The following PPP1R13L variants were observed in gnomAD, a reference collection of about 807,000 sequenced individuals.
PPP1R13L encodes the protein protein phosphatase 1 regulatory subunit 13 like.
Under a neutral mutation model 80.9 loss-of-function variants are expected in PPP1R13L, and 50 were observed. The ratio of observed to expected loss-of-function variants is 0.62; its 90% CI spans 0.49 to 0.78. PPP1R13L has a LOEUF of 0.78. Ranked by LOEUF, PPP1R13L falls within the 30% of genes least tolerant of loss-of-function variation. The probability of loss-of-function intolerance (pLI) is 0.00; values close to 1 mark genes in which losing one functional copy is unlikely to be tolerated. For synonymous variants in PPP1R13L, 602 were observed against 534.3 expected (o/e 1.13, Z -1.75); for missense variants, 1,200 against 1,205.9 (o/e 1.00, Z 0.07).
At position 45,392,009 on chromosome 19, in the gene PPP1R13L, CGGCCCCCCGGGCCCT is replaced by C. The variant is rs569534163; in HGVS notation, c.1671_1685del (p.Gly558_Pro562del). On this transcript the variant is annotated inframe_deletion, in exon 8 of 13. Transcript: ENST00000360957. ...CAGTGATGGGGGACAGCTCTGGCTC[CGGCCCCCCGGGCCCT>C]GGCCCCCCATGACGATGGAAGAGGC... is the stretch of plus-strand genomic sequence containing the variant. The C allele has an allele frequency of 2.1e-4, 321 of 1,538,946 alleles. No homozygotes were observed. In the African/African-American group the frequency reaches 3.8e-3, roughly 18 times the overall value.
intron 11 of PPP1R13L, among the ~76,000 whole-genome samples, chr19:45,383,954 G>A (rs894179523): frequency 2.6e-5 from 4 of 151,802 alleles, no homozygotes; most frequent in Non-Finnish European, 4.4e-5. Context: ...TAATAGAGAC[G>A]GGGTTTCACC....
Position 45,396,922 on chromosome 19 carries a change from A to C in PPP1R13L, c.335T>G (p.Leu112Arg). ...CGACGACGGCCGTCCCTTGGGGGAC[A>C]GCGGGCTGTAGGGGTGTAGGGTTGG... Reference protein sequence around the residue: ...SAPTLHPYSPLSPKGRPSSPR... With the variant: ...SAPTLHPYSPRSPKGRPSSPR... Residue 112 changes from leucine to arginine, a missense_variant, in exon 4 of 13, where the codon CTG becomes CGG. Transcript: ENST00000360957. This position sits in a 1 kb window ranked among gnomAD's most constrained non-coding sequence, Gnocchi z 5.3. 1 of 1,490,930 alleles carries C rather than the reference A, an allele frequency of 6.7e-7. No individual in the cohort carries two copies. The highest frequency in any genetic ancestry group is 8.9e-7 in the Non-Finnish European group (1 of 1,128,766). The allele number at this position is 1,490,930 out of a possible 1,614,324, so 92.4% of individuals were successfully genotyped here.
intron 8 of PPP1R13L, among the ~76,000 whole-genome samples, chr19:45,390,667 C>G (rs1427699530): frequency 6.6e-6 from 1 of 152,140 alleles, no homozygotes; most frequent in African/African-American, 2.4e-5. Context: ...AAACCTCTTC[C>G]TTCTTTAATC....
intron 1 of PPP1R13L, among the ~76,000 whole-genome samples, chr19:45,403,332 CTCTT>C (rs1973269210): frequency 6.6e-6 from 1 of 152,066 alleles, no homozygotes; most frequent in Non-Finnish European, 1.5e-5. Context: ...GCCCTTTCAA[CTCTT>C]TCTGAGATCA....
chr19:45,395,281 C>G, intron 7 of PPP1R13L, 155 bp downstream of exon 7: 1 of 1,068,678 alleles, frequency 9.4e-7, no homozygotes, highest in African/African-American at 1.6e-5. Context: ...GGCTCCTACC[C>G]AAATTCCCAA....
chr19:45,386,140 T>C lies in PPP1R13L; in HGVS notation c.1856A>G (p.Lys619Arg), dbSNP rs1339878640. Residue 619 changes from lysine to arginine, a missense_variant, in exon 9 of 13, where the codon AAG becomes AGG. This residue lies in a region of PPP1R13L where 214 missense variants were observed against 199.6 expected (regional missense o/e 1.07). Coordinates refer to ENST00000360957, the MANE Select transcript of PPP1R13L (RefSeq NM_006663.4). ...SVLRKAGSPR[K>R]ARRARLNPLV... is the part of the protein sequence containing the mutation. ...AGGGTTGAGGCGCGCGCGGCGGGCC[T>C]TGCGCGGGGAGCCCGCCTTCCGCAG... The C allele has an allele frequency of 6.5e-7, 1 of 1,542,224 alleles. No homozygotes were observed. The highest frequency in any genetic ancestry group is 8.6e-7 in the Non-Finnish European group (1 of 1,157,326).
chr19:45,400,756 G>A lies in PPP1R13L; in HGVS notation c.-21-2417C>T, dbSNP rs1258179902. Among the ~76,000 whole-genome samples, 11 of 91,784 alleles carry A rather than the reference G, an allele frequency of 1.2e-4. 1 individual carries two copies. Among genetic ancestry groups the A allele is most frequent in the Admixed American group, 2.5e-4 (2 of 8,072 alleles). The allele number at this position is 91,784 out of a possible 152,430, so 60.2% of individuals were successfully genotyped here. ...GTATAGCCTCGCACCACCACACCCA[G>A]CTAATTTTTTTTTTTTTTTTTTTTT... On this transcript the variant is annotated intron_variant, in intron 1 of 12. Transcript: ENST00000360957.
chr19:45,380,337 G>A, intron 12 of PPP1R13L, 109 bp from the exon 13 acceptor site: 1 of 1,292,124 alleles, frequency 7.7e-7, no homozygotes, highest in Non-Finnish European at 1.1e-6. Flanking sequence ...GGACCTCTCA[G>A]CACCTCCCAA....
In PPP1R13L at chr19:45,395,780, CCCGCGGAGCCCAGCGAGCG is replaced by C. The variant is rs1327170522; in HGVS notation, c.991_1009del (p.Arg331GlyfsTer38). 6.4e-7 allele frequency: 1 copy of C among 1,565,288 alleles called. No homozygotes were observed. The highest frequency in any genetic ancestry group is 8.6e-7 in the Non-Finnish European group (1 of 1,159,632). ...GCTGCGAGGCAAAGTGCCCGACGGC[CCCGCGGAGCCCAGCGAGCG>C]CCGGTAGCTGCCCGCGTCTGAACGC... is the stretch of plus-strand genomic sequence containing the variant. On this transcript the variant is annotated frameshift_variant, in exon 7 of 13. Coordinates refer to ENST00000360957, the MANE Select transcript of PPP1R13L (RefSeq NM_006663.4). LOFTEE classifies it high-confidence loss of function.
intron 7 of PPP1R13L, 169 bp from the exon 8 acceptor site, chr19:45,392,509 T>G: frequency 2.7e-6 from 2 of 742,152 alleles, no homozygotes; most frequent in Non-Finnish European, 4.7e-6. Context: ...AATATACAAT[T>G]ATGATGCCTC....
At position 45,392,210 on chromosome 19, in the gene PPP1R13L, T is replaced by C. The variant is rs138531394; in HGVS notation, c.1485A>G (p.Pro495=). The part of the protein sequence containing the change: ...ARPLSPTRLQ[P]ALPPEAQSVP... Reference sequence around the variant, plus strand: ...CCGACTGTGCCTCCGGTGGCAGTGCTGGCTGCAGCCTCGTGGGGCTGAGAG... The same window carrying C: ...CCGACTGTGCCTCCGGTGGCAGTGCCGGCTGCAGCCTCGTGGGGCTGAGAG... Residue 495 remains proline (P), a synonymous_variant, in exon 8 of 13, where the codon CCA becomes CCG. Coordinates refer to ENST00000360957, the MANE Select transcript of PPP1R13L (RefSeq NM_006663.4). 9.3e-6 allele frequency: 15 copies of C among 1,611,886 alleles called. No individual in the cohort carries two copies. Among genetic ancestry groups the C allele is most frequent in the Non-Finnish European group, 1.1e-5 (13 of 1,178,756 alleles).
At chr19:45,395,910 G>C in intron 6 of PPP1R13L, 24 bp from the exon 7 acceptor site, 1 of 1,545,992 alleles carries the variant, frequency 6.5e-7, no homozygotes, top group Non-Finnish European at 8.8e-7. Context: ...AAGGGAGAAG[G>C]GGATCGGGTG....
chr19:45,395,928 G>A lies in PPP1R13L; in HGVS notation c.904-42C>T, dbSNP rs376220335. On this transcript the variant is annotated intron_variant, in intron 6 of 12. Transcript: ENST00000360957. ...GGAGAAGGGGATCGGGTGAGAGAGG[G>A]AAGGTGGAGGGGAGGTAAAGACAAA... 1.5e-4 allele frequency: 231 copies of A among 1,498,662 alleles called. 1 individual carries two copies. Among genetic ancestry groups the A allele is most frequent in the Non-Finnish European group, 2.0e-4 (219 of 1,101,210 alleles). The allele number at this position is 1,498,662 out of a possible 1,614,324, so 92.8% of individuals were successfully genotyped here. A position where few individuals can be genotyped will look rare whatever the true frequency, so the allele number is the denominator to read the frequency against.
At chr19:45,403,048 T>C (rs1386376050) in intron 1 of PPP1R13L, among the ~76,000 whole-genome samples, 2 of 152,236 alleles carry the variant, frequency 1.3e-5, no homozygotes, top group African/African-American at 4.8e-5. Context: ...CCTTTCTTGC[T>C]CTAAGCCTCT....
chr19:45,390,723 A>G (rs969643370), intron 8 of PPP1R13L, among the ~76,000 whole-genome samples: 2 of 152,068 alleles, frequency 1.3e-5, no homozygotes, highest in African/African-American at 4.8e-5. Flanking sequence ...CTACAGAATT[A>G]CAGGCACGCG....
At chr19:45,391,817 T>A in intron 8 of PPP1R13L, 63 bp downstream of exon 8, 2 of 1,286,604 alleles carry the variant, frequency 1.6e-6, no homozygotes, top group Non-Finnish European at 2.1e-6. Context: ...TTTGGGGGGC[T>A]CTTTGCTACA....
intron 1 of PPP1R13L, among the ~76,000 whole-genome samples, chr19:45,400,304 G>A (rs1192768477): frequency 1.3e-5 from 2 of 151,908 alleles, no homozygotes; most frequent in Non-Finnish European, 2.9e-5. Context: ...GGCCCAGTGG[G>A]AGGGAGCTAG....
chr19:45,399,581 G>A (rs930932322), intron 1 of PPP1R13L, among the ~76,000 whole-genome samples: 2 of 151,042 alleles, frequency 1.3e-5, no homozygotes, highest in Non-Finnish European at 2.9e-5. Flanking sequence ...CGGAGATCGC[G>A]CCACTGCACT....
intron 8 of PPP1R13L, among the ~76,000 whole-genome samples, chr19:45,389,533 G>A (rs945740398): frequency 2.0e-5 from 3 of 152,120 alleles, no homozygotes; most frequent in African/African-American, 7.2e-5. Context: ...ATCTTGGCGG[G>A]GTGTGGTGGC....
Sources: gnomAD v4.1 joint callset for allele counts (sites outside exome capture counted in the v4.1 genomes callset) on GRCh38, gnomAD v4.1.1 for gene constraint, gnomAD v4.1.1 regional missense constraint, Gnocchi (gnomAD v3.1) non-coding constraint, MANE v1.5 for transcripts, NCBI Gene and HGNC (gene_info 2026-07-23, HGNC 2026-07-21) for gene names.